KIFAP3: variants seen among roughly 807,000 people sequenced by gnomAD.
The protein encoded by KIFAP3 is kinesin associated protein 3, also known as kinesin-associated protein 3.
KIFAP3 carries 68 observed loss-of-function variants against 106.5 expected under a neutral mutation model. The observed-to-expected ratio is 0.64, with a 90% CI of 0.53 to 0.78. The LOEUF (loss-of-function observed/expected upper bound fraction) is 0.78. Ranked by LOEUF, KIFAP3 falls within the 30% of genes least tolerant of loss-of-function variation. The pLI is 0.00. For missense variants in KIFAP3, 780 were observed against 941.8 expected, an observed-to-expected ratio of 0.83 and a Z score of 2.25; for synonymous variants, 320 against 311.5, an observed-to-expected ratio of 1.03 and a Z score of -0.29.
intron 3 of KIFAP3, among the ~76,000 whole-genome samples, chr1:170,042,783 C>T (rs879418233): frequency 3.9e-5 from 6 of 152,102 alleles, no homozygotes; most frequent in Admixed American, 6.5e-5. Context: ...CCACAGGTTG[C>T]GGAGGCATTT....
chr1:170,010,227 A>G (rs573893529), intron 10 of KIFAP3, among the ~76,000 whole-genome samples: 184 of 152,054 alleles, frequency 1.2e-3, no homozygotes, highest in Non-Finnish European at 2.1e-3. Flanking sequence ...ATTCATATAT[A>G]AGGTTTTCCA....
chr1:170,035,441 T>A lies in KIFAP3; in HGVS notation c.617+13A>T. 1 of 1,539,918 alleles carries A rather than the reference T, an allele frequency of 6.5e-7. No homozygotes were observed. Among genetic ancestry groups the A allele is most frequent in the Non-Finnish European group, 8.9e-7 (1 of 1,128,000 alleles). On this transcript the variant is annotated intron_variant, in intron 6 of 19. Transcript: ENST00000361580. ...ATACAGTAGCCTTTTTATTTAATAATTTTTATACTTACCTGGAGAAACAAA... is the reference window on the plus strand; with the variant it reads ...ATACAGTAGCCTTTTTATTTAATAAATTTTATACTTACCTGGAGAAACAAA...
At chr1:170,047,322 A>G (rs1480091419) in intron 2 of KIFAP3, among the ~76,000 whole-genome samples, 1 of 151,640 alleles carries the variant, frequency 6.6e-6, no homozygotes, top group Non-Finnish European at 1.5e-5. Flanking sequence ...GGTAAAAGCA[A>G]AAAAAAAGTG....
chr1:169,955,263 G>C (rs532867873), intron 18 of KIFAP3, among the ~76,000 whole-genome samples: 6 of 152,236 alleles, frequency 3.9e-5, no homozygotes, highest in African/African-American at 7.2e-5. Flanking sequence ...TGCAAATACT[G>C]TGCTAGGTCC....
chr1:170,028,644 A>T (rs918203860), intron 8 of KIFAP3, among the ~76,000 whole-genome samples: 2 of 152,174 alleles, frequency 1.3e-5, no homozygotes, highest in Non-Finnish European at 2.9e-5. Flanking sequence ...GCCTTATTAT[A>T]GGGTTTATAA....
At chr1:169,943,789 G>A (rs1372496825) in intron 19 of KIFAP3, among the ~76,000 whole-genome samples, 1 of 151,898 alleles carries the variant, frequency 6.6e-6, no homozygotes. Flanking sequence ...AGTATATGAC[G>A]TTTAACACTA....
Position 169,953,931 on chromosome 1 carries a change from G to C in KIFAP3, c.2273+80C>G. The C allele has an allele frequency of 4.4e-6, 4 of 916,396 alleles. No homozygotes were observed. The South Asian group carries it at 5.3e-5, about 12-fold the overall frequency. 56.8% of individuals were successfully genotyped at this position (916,396 alleles called of 1,614,324 possible). A position where few individuals can be genotyped will look rare whatever the true frequency, so the allele number is the denominator to read the frequency against. On this transcript the variant is annotated intron_variant, in intron 19 of 19. Coordinates refer to ENST00000361580, the MANE Select transcript of KIFAP3 (RefSeq NM_014970.4). ...TCCCCCCTCTTAATGAAAAAGAAGA[G>C]AAATGGAGAGTGAAGAGGATTTTAG...
intron 8 of KIFAP3, among the ~76,000 whole-genome samples, chr1:170,026,485 T>C (rs1669108815): frequency 6.6e-6 from 1 of 151,784 alleles, no homozygotes; most frequent in Non-Finnish European, 1.5e-5. Flanking sequence ...GCCTTGAGAG[T>C]TTCCAGGTCA....
upstream of KIFAP3, among the ~76,000 whole-genome samples, chr1:170,079,226 A>G (rs535969217): frequency 6.6e-6 from 1 of 151,684 alleles, no homozygotes; most frequent in African/African-American, 2.4e-5. Context: ...CACCTCCCCC[A>G]CCTCTTGCCT....
chr1:169,974,947 A>G (rs1487868393), intron 16 of KIFAP3, among the ~76,000 whole-genome samples: 2 of 152,092 alleles, frequency 1.3e-5, no homozygotes, highest in Non-Finnish European at 2.9e-5. Flanking sequence ...TAAGTCTCTA[A>G]TATAAAATGG....
chr1:170,029,990 T>C (rs1416130930), intron 8 of KIFAP3, among the ~76,000 whole-genome samples: 1 of 151,940 alleles, frequency 6.6e-6, no homozygotes, highest in Non-Finnish European at 1.5e-5. Context: ...AAATATATTA[T>C]AGCCTTAACT....
intron 3 of KIFAP3, among the ~76,000 whole-genome samples, chr1:170,045,390 C>A (rs1386057349): frequency 2.0e-5 from 3 of 152,070 alleles, no homozygotes; most frequent in Admixed American, 2.0e-4. Context: ...TTTAGCTAAC[C>A]TTAAGGCTTT....
chr1:170,062,003 G>T (rs1012283346), intron 1 of KIFAP3, among the ~76,000 whole-genome samples: 10 of 151,962 alleles, frequency 6.6e-5, no homozygotes, highest in African/African-American at 2.4e-4. Flanking sequence ...TCACACACTG[G>T]GGCCTGTCAC....
intron 7 of KIFAP3, 198 bp from the exon 8 acceptor site, chr1:170,032,182 T>C: frequency 2.2e-6 from 1 of 447,586 alleles, no homozygotes; most frequent in Non-Finnish European, 4.0e-6. Context: ...ATGGATTCCC[T>C]GGGAGTCTTT....
At chr1:169,955,051 A>G (rs1359645508) in intron 18 of KIFAP3, among the ~76,000 whole-genome samples, 1 of 152,180 alleles carries the variant, frequency 6.6e-6, no homozygotes, top group African/African-American at 2.4e-5. Flanking sequence ...AATAGAACAA[A>G]TACGTTAGTA....
Position 169,984,711 on chromosome 1 carries a change from C to T in KIFAP3, c.1285-21G>A, listed in dbSNP as rs1489656994. On this transcript the variant is annotated intron_variant, in intron 11 of 19. Transcript: ENST00000361580. ...ATTAACTAGCAAGAAGCACAGGGCA[C>T]ATTTTACTCAAGAAACAAAGACAAA... 1.1e-5 allele frequency: 15 copies of T among 1,329,444 alleles called. 1 individual carries two copies. Among genetic ancestry groups the T allele is most frequent in the Admixed American group, 3.6e-5 (2 of 54,812 alleles). 82.4% of individuals were successfully genotyped at this position (1,329,444 alleles called of 1,614,324 possible).
At chr1:169,922,808 C>T (rs1662897459) in intron 19 of KIFAP3, among the ~76,000 whole-genome samples, 1 of 152,092 alleles carries the variant, frequency 6.6e-6, no homozygotes, top group East Asian at 1.9e-4. Flanking sequence ...TTTAAGTTTG[C>T]ACTACATGAG....
chr1:169,972,436 T>C (rs1665970353), intron 17 of KIFAP3, 77 bp downstream of exon 17: 1 of 756,968 alleles, frequency 1.3e-6, no homozygotes, highest in East Asian at 2.8e-5. Flanking sequence ...GAATGCATTG[T>C]TTAAAATAGG....
intron 3 of KIFAP3, among the ~76,000 whole-genome samples, chr1:170,045,172 A>G (rs962849134): frequency 6.6e-6 from 1 of 152,222 alleles, no homozygotes; most frequent in Non-Finnish European, 1.5e-5. Flanking sequence ...TTGACTTTAC[A>G]GAGCCAATAA....
Sources: allele counts gnomAD v4.1 joint callset (sites outside exome capture counted in the v4.1 genomes callset), GRCh38; gene constraint gnomAD v4.1.1; transcripts MANE v1.5; gene names NCBI Gene and HGNC (gene_info 2026-07-23, HGNC 2026-07-21).